Variants in KIF26B observed in about 807,000 individuals in gnomAD.
The protein encoded by KIF26B is kinesin family member 26B.
A neutral mutation model predicts 151.2 loss-of-function variants in KIF26B; 63 were observed. That is an observed-to-expected ratio of 0.42 (90% CI 0.34 to 0.51). KIF26B has a LOEUF of 0.51. Ranked by LOEUF, KIF26B falls within the 20% of genes least tolerant of loss-of-function variation. The pLI is 0.07. For synonymous variants in KIF26B, 1,357 were observed against 1,262.1 expected (o/e 1.08, Z -1.59); for missense variants, 2,813 against 2,913.6 (o/e 0.97, Z 0.79).
intron 2 of KIF26B, among the ~76,000 whole-genome samples, chr1:245,356,406 A>C (rs1445684742): frequency 6.6e-6 from 1 of 151,976 alleles, no homozygotes; most frequent in Non-Finnish European, 1.5e-5. Context: ...AAGTACAAAA[A>C]TTAGCTGGGC....
In KIF26B at chr1:245,581,964, A is replaced by AAGGAAGGAAGGAAGGAAGGAAGGAAG. The variant is rs61645005; in HGVS notation, c.1351-20613_1351-20612insAGGAAGGAAGGAAGGAAGGAAGGAAG. 1.1e-3 allele frequency among the ~76,000 whole-genome samples: 65 copies of AAGGAAGGAAGGAAGGAAGGAAGGAAG among 60,936 alleles called. 1 individual carries two copies. Among genetic ancestry groups the AAGGAAGGAAGGAAGGAAGGAAGGAAG allele is most frequent in the African/African-American group, 3.4e-3 (64 of 18,610 alleles). 40.0% of individuals were successfully genotyped at this position (60,936 alleles called of 152,430 possible). ...AGGAAGGAAGGAAGGAAGGAAGGAA[A>AAGGAAGGAAGGAAGGAAGGAAGGAAG]TAAATAAGCAATAAGCATGAAGTGG... is the stretch of plus-strand genomic sequence containing the variant. On this transcript the variant is annotated intron_variant, in intron 5 of 14. Coordinates refer to ENST00000407071, the MANE Select transcript of KIF26B (RefSeq NM_018012.4).
chr1:245,365,280 G>A (rs985833077), intron 2 of KIF26B, among the ~76,000 whole-genome samples: 4 of 152,188 alleles, frequency 2.6e-5, no homozygotes, highest in African/African-American at 9.6e-5. Flanking sequence ...ACCTCCCATT[G>A]CTTCCCATCA....
At chr1:245,413,995 G>A (rs1674355910) in intron 3 of KIF26B, among the ~76,000 whole-genome samples, 2 of 152,178 alleles carry the variant, frequency 1.3e-5, no homozygotes, top group Admixed American at 1.3e-4. Context: ...GGAATCCACA[G>A]GTGACCACCT....
chr1:245,281,303 G>T (rs1294531959), intron 2 of KIF26B, among the ~76,000 whole-genome samples: 18 of 71,942 alleles, frequency 2.5e-4, no homozygotes, highest in African/African-American at 1.1e-3. Context: ...CATTCTAACT[G>T]GTGTGAGATG....
intron 2 of KIF26B, among the ~76,000 whole-genome samples, chr1:245,295,704 T>G (rs1374721854): frequency 6.6e-6 from 1 of 152,188 alleles, no homozygotes. Context: ...CTTAAGTCCT[T>G]ACTGGAAATA....
chr1:245,621,081 C>T (rs1014104327), intron 9 of KIF26B, among the ~76,000 whole-genome samples: 3 of 152,086 alleles, frequency 2.0e-5, no homozygotes, highest in Non-Finnish European at 1.5e-5. Context: ...TAAACGCATC[C>T]CAGAGTGCGT....
Position 245,576,164 on chromosome 1 carries a change from C to T in KIF26B, c.1351-26413C>T, listed in dbSNP as rs1290805615. On this transcript the variant is annotated intron_variant, in intron 5 of 14. Transcript: ENST00000407071. ...ATATAACAATTAAGCCTCAGAGGAT[C>T]ACAAGCGCAGGTGATCCTCATGAGC... is the stretch of plus-strand genomic sequence containing the variant. 3.3e-5 allele frequency among the ~76,000 whole-genome samples: 5 copies of T among 152,278 alleles called. No individual in the cohort carries two copies. In the East Asian group the frequency reaches 9.7e-4, roughly 29 times the overall value.
At chr1:245,658,806 C>G (rs1056277328) in intron 10 of KIF26B, among the ~76,000 whole-genome samples, 1 of 152,312 alleles carries the variant, frequency 6.6e-6, no homozygotes, top group East Asian at 1.9e-4. Context: ...CCTTTCCCCC[C>G]TCCTAATTCT....
intron 3 of KIF26B, among the ~76,000 whole-genome samples, chr1:245,418,553 A>G (rs890389604): frequency 1.3e-5 from 2 of 152,250 alleles, no homozygotes; most frequent in African/African-American, 4.8e-5. Context: ...TTCAGTTACA[A>G]AGTGGAAACT....
intron 2 of KIF26B, among the ~76,000 whole-genome samples, chr1:245,179,619 C>T (rs922665477): frequency 1.3e-5 from 2 of 149,644 alleles, no homozygotes; most frequent in African/African-American, 2.5e-5. Context: ...AGCGAGACTC[C>T]GACTCAAAAA....
At chr1:245,557,105 C>T (rs759200921) in intron 5 of KIF26B, among the ~76,000 whole-genome samples, 3 of 152,222 alleles carry the variant, frequency 2.0e-5, no homozygotes, top group Non-Finnish European at 4.4e-5. Context: ...CACAAAAGTG[C>T]CAGGCCATGT....
intron 4 of KIF26B, among the ~76,000 whole-genome samples, chr1:245,420,697 A>T (rs1435716145): frequency 6.6e-6 from 1 of 152,264 alleles, no homozygotes; most frequent in African/African-American, 2.4e-5. Flanking sequence ...AATGAGGATG[A>T]TACCTGCTCT....
chr1:245,389,463 G>C (rs1349154066), intron 3 of KIF26B, among the ~76,000 whole-genome samples: 1 of 151,642 alleles, frequency 6.6e-6, no homozygotes, highest in African/African-American at 2.4e-5. Context: ...GTGCATGCAA[G>C]TATACAGTCT....
intron 2 of KIF26B, among the ~76,000 whole-genome samples, chr1:245,177,689 T>A (rs1668834836): frequency 6.6e-6 from 1 of 150,382 alleles, no homozygotes; most frequent in Non-Finnish European, 1.5e-5. Context: ...TGTGTGTGTG[T>A]GTGTGTCTTT....
chr1:245,448,203 T>A (rs1238103162), intron 4 of KIF26B, among the ~76,000 whole-genome samples: 1 of 152,206 alleles, frequency 6.6e-6, no homozygotes, highest in Non-Finnish European at 1.5e-5. Flanking sequence ...ATTTGTATGT[T>A]TTTTTTGTTG....
chr1:245,203,499 C>T (rs1031309737), intron 2 of KIF26B, among the ~76,000 whole-genome samples: 2 of 152,264 alleles, frequency 1.3e-5, no homozygotes, highest in African/African-American at 4.8e-5. Flanking sequence ...GGCATATGCC[C>T]AAACAGCATA....
intron 4 of KIF26B, among the ~76,000 whole-genome samples, chr1:245,436,155 C>T (rs534927271): frequency 1.6e-4 from 24 of 148,456 alleles, no homozygotes; most frequent in African/African-American, 4.5e-4. Flanking sequence ...CCAGCCTGGG[C>T]GACAGAGTGA....
Position 245,702,673 on chromosome 1 carries a change from G to GGCC in KIF26B, c.*68_*70dup. On this transcript the variant is annotated 3_prime_UTR_variant, in exon 15 of 15. Transcript: ENST00000407071. This position sits in a 1 kb window ranked among gnomAD's most constrained non-coding sequence, Gnocchi z 4.1. ...ACTTCAGAGATGTTGCACGCCCCTA[G>GGCC]GCCCTCTGTGCTGGGGCATCAAAGA... The GGCC allele has an allele frequency of 6.5e-7, 1 of 1,529,436 alleles. No individual in the cohort carries two copies. The highest frequency in any genetic ancestry group is 8.9e-7 in the Non-Finnish European group (1 of 1,124,348). The allele number at this position is 1,529,436 out of a possible 1,614,324, so 94.7% of individuals were successfully genotyped here.
At chr1:245,374,465 T>A (rs531781964) in intron 3 of KIF26B, among the ~76,000 whole-genome samples, 1 of 152,008 alleles carries the variant, frequency 6.6e-6, no homozygotes, top group Admixed American at 6.6e-5. Context: ...GGTGGGTGTT[T>A]CCAGCAGGTC....
Sources: allele counts gnomAD v4.1 joint callset (sites outside exome capture counted in the v4.1 genomes callset), GRCh38; gene constraint gnomAD v4.1.1; non-coding constraint Gnocchi (gnomAD v3.1); transcripts MANE v1.5; gene names NCBI Gene and HGNC (gene_info 2026-07-23, HGNC 2026-07-21).